SYT1: variants seen among roughly 807,000 people sequenced by gnomAD.
The protein encoded by SYT1 is synaptotagmin 1.
Under a neutral mutation model 44.8 loss-of-function variants are expected in SYT1, and 8 were observed. The ratio of observed to expected loss-of-function variants is 0.18; its 90% CI spans 0.10 to 0.32. SYT1 has a LOEUF of 0.32. Among genes scored for constraint, SYT1 ranks in the 10% least tolerant of loss-of-function variants. SYT1 has a pLI of 1.00. For missense variants in SYT1, 286 were observed against 509.3 expected (o/e 0.56, Z 4.22); for synonymous variants, 154 against 188.8 (o/e 0.82, Z 1.51).
At chr12:79,125,020 T>TGTTTG (rs1166421771) in intron 3 of SYT1, among the ~76,000 whole-genome samples, 44 of 152,126 alleles carry the variant, frequency 2.9e-4, no homozygotes, top group African/African-American at 7.5e-4. Flanking sequence ...TTGTGGGTTT[T>TGTTTG]GTTTGGTTTG....
chr12:79,114,308 T>C (rs1879166307), intron 3 of SYT1, among the ~76,000 whole-genome samples: 1 of 152,162 alleles, frequency 6.6e-6, no homozygotes, highest in African/African-American at 2.4e-5. Context: ...AAAATATTTT[T>C]TACTGTTGGA....
chr12:79,084,376 A>G (rs1200767851), intron 3 of SYT1, among the ~76,000 whole-genome samples: 1 of 152,180 alleles, frequency 6.6e-6, no homozygotes. Flanking sequence ...AATTAGTTGA[A>G]CATACACTAG....
At chr12:79,295,251 CT>C (rs1879825957) in intron 6 of SYT1, among the ~76,000 whole-genome samples, 1 of 152,088 alleles carries the variant, frequency 6.6e-6, no homozygotes, top group Admixed American at 6.5e-5. Context: ...ACTCACACCT[CT>C]TTTTTTCTTC....
At chr12:78,936,602 A>G (rs1878074305) in intron 1 of SYT1, among the ~76,000 whole-genome samples, 1 of 152,146 alleles carries the variant, frequency 6.6e-6, no homozygotes, top group African/African-American at 2.4e-5. Context: ...TATGTTCACT[A>G]ATTAAAAAAT....
chr12:78,994,725 C>T (rs529134439), intron 2 of SYT1, among the ~76,000 whole-genome samples: 3 of 151,748 alleles, frequency 2.0e-5, no homozygotes, highest in South Asian at 2.1e-4. Context: ...TTAGTAGATA[C>T]GGGGTTTCAC....
chr12:79,125,559 G>A lies in SYT1; in HGVS notation c.-18+78197G>A, dbSNP rs114918917. Among the ~76,000 whole-genome samples, 959 of 149,808 alleles carry A rather than the reference G, an allele frequency of 6.4e-3. 7 individuals carry two copies. The highest frequency in any genetic ancestry group is 0.022 in the African/African-American group (908 of 40,680). ...TGCTTGATCCTGGGAGGTGGAGACT[G>A]CACTGAGCTGTGATTGCACCACTGC... On this transcript the variant is annotated intron_variant, in intron 3 of 10. Coordinates refer to ENST00000261205, the MANE Select transcript of SYT1 (RefSeq NM_005639.3).
intron 3 of SYT1, among the ~76,000 whole-genome samples, chr12:79,054,845 TTA>T (rs1874813939): frequency 6.6e-6 from 1 of 151,956 alleles, no homozygotes; most frequent in Non-Finnish European, 1.5e-5. Context: ...TCAGATTAAA[TTA>T]TGTTTTTATT....
At chr12:79,397,459 C>T (rs1471908933) in intron 9 of SYT1, among the ~76,000 whole-genome samples, 1 of 152,170 alleles carries the variant, frequency 6.6e-6, no homozygotes, top group African/African-American at 2.4e-5. Context: ...GAACTCCCGG[C>T]TCACGTGATC....
intron 2 of SYT1, among the ~76,000 whole-genome samples, chr12:79,010,359 G>A (rs1871336470): frequency 6.6e-6 from 1 of 152,076 alleles, no homozygotes; most frequent in African/African-American, 2.4e-5. Context: ...CACTTTGGTT[G>A]CCTACTATGG....
chr12:79,121,957 G>A (rs1316333665), intron 3 of SYT1, among the ~76,000 whole-genome samples: 3 of 152,122 alleles, frequency 2.0e-5, no homozygotes, highest in Non-Finnish European at 4.4e-5. Flanking sequence ...CTGCTTCTGT[G>A]GTAAAGGGGA....
In SYT1 at chr12:79,027,265, A is replaced by G. The variant is rs1299816076; in HGVS notation, c.-83-20032A>G. On this transcript the variant is annotated intron_variant, in intron 2 of 10. Coordinates refer to ENST00000261205, the MANE Select transcript of SYT1 (RefSeq NM_005639.3). The stretch of plus-strand genomic sequence containing the variant: ...CCCCTTTGCTGACCGCCTACTTTAA[A>G]TAGGCTCTCCTCCCTGTCTCCTGCT... Among the ~76,000 whole-genome samples the G allele has an allele frequency of 2.0e-5, 3 of 151,444 alleles. No homozygotes were observed. In the East Asian group the frequency reaches 5.8e-4, roughly 29 times the overall value.
intron 4 of SYT1, among the ~76,000 whole-genome samples, chr12:79,275,588 G>C (rs752815512): frequency 6.6e-6 from 1 of 152,114 alleles, no homozygotes; most frequent in African/African-American, 2.4e-5. Context: ...TTTTGTGCTG[G>C]CCTCATAGTG....
Position 78,948,356 on chromosome 12 carries a change from A to C in SYT1, c.-216-29443A>C, listed in dbSNP as rs1277239878. 6.6e-5 allele frequency among the ~76,000 whole-genome samples: 10 copies of C among 152,162 alleles called. No individual in the cohort carries two copies. The East Asian group carries it at 1.7e-3, about 26-fold the overall frequency. On this transcript the variant is annotated intron_variant, in intron 1 of 10. Coordinates refer to ENST00000261205, the MANE Select transcript of SYT1 (RefSeq NM_005639.3). ...AAGAAACATTTAAGTTAGGTTAATT[A>C]CTGCCTTTTAAATTTGTATAATATA...
chr12:78,872,426 T>C (rs369619735), intron 1 of SYT1, among the ~76,000 whole-genome samples: 8 of 151,804 alleles, frequency 5.3e-5, no homozygotes, highest in African/African-American at 1.9e-4. Flanking sequence ...TAGCAACAGT[T>C]TTATTTCTCT....
intron 3 of SYT1, among the ~76,000 whole-genome samples, chr12:79,089,778 C>G (rs992793151): frequency 2.0e-5 from 3 of 152,020 alleles, no homozygotes; most frequent in Admixed American, 6.6e-5. Context: ...TTATCTCTTG[C>G]GTTTAATTTG....
intron 6 of SYT1, among the ~76,000 whole-genome samples, chr12:79,293,156 CAAA>C (rs746607482): frequency 9.3e-6 from 1 of 107,310 alleles, no homozygotes; most frequent in Non-Finnish European, 1.9e-5. Context: ...ACAAAAAATA[CAAA>C]AAAAAAAAAA....
chr12:78,917,392 A>G (rs1876723045), intron 1 of SYT1, among the ~76,000 whole-genome samples: 1 of 151,968 alleles, frequency 6.6e-6, no homozygotes, highest in Non-Finnish European at 1.5e-5. Flanking sequence ...TAGTCTGAAC[A>G]TCACAGCAAA....
intron 1 of SYT1, among the ~76,000 whole-genome samples, chr12:78,941,065 C>CTTTTTTTTTTTT (rs398044555): frequency 1.2e-3 from 80 of 68,466 alleles, no homozygotes; most frequent in Non-Finnish European, 1.5e-3. Context: ...CTTTTTTTTT[C>CTTTTTTTTTTTT]TTTTTTTTTT....
chr12:79,448,100 T>C (rs946832796), intron 10 of SYT1, among the ~76,000 whole-genome samples: 1 of 152,216 alleles, frequency 6.6e-6, no homozygotes, highest in Non-Finnish European at 1.5e-5. Flanking sequence ...ATATATTTTA[T>C]ACCATAATGG....
Sources: allele counts gnomAD v4.1 joint callset (sites outside exome capture counted in the v4.1 genomes callset), GRCh38; gene constraint gnomAD v4.1.1; transcripts MANE v1.5; gene names NCBI Gene and HGNC (gene_info 2026-07-23, HGNC 2026-07-21).